Variants in ANKRD6 observed in about 807,000 individuals in gnomAD.
ANKRD6 encodes ankyrin repeat domain-containing protein 6.
In ANKRD6, 56 loss-of-function variants were observed where a neutral mutation model predicts 82.3. The ratio of observed to expected loss-of-function variants is 0.68; its 90% CI spans 0.55 to 0.85. ANKRD6 has a LOEUF of 0.85. ANKRD6 is among the 40% of genes least tolerant of loss of function. The pLI is 0.00. For missense variants in ANKRD6, 852 were observed against 907.6 expected (o/e 0.94, Z 0.79); for synonymous variants, 347 against 352.1 (o/e 0.99, Z 0.16).
intron 1 of ANKRD6, among the ~76,000 whole-genome samples, chr6:89,472,000 A>G (rs72912554): frequency 0.16 from 23,808 of 150,042 alleles, 2,166 homozygotes; most frequent in South Asian, 0.33. Flanking sequence ...GTGAAGTCAT[A>G]AGTGTAGACC....
intron 2 of ANKRD6, among the ~76,000 whole-genome samples, chr6:89,572,062 A>G (rs1028265862): frequency 6.6e-6 from 1 of 152,052 alleles, no homozygotes; most frequent in Non-Finnish European, 1.5e-5. Context: ...TCACTTAGTT[A>G]TATGCGTTTA....
At chr6:89,498,853 T>G (rs573850725) in intron 1 of ANKRD6, among the ~76,000 whole-genome samples, 2 of 152,202 alleles carry the variant, frequency 1.3e-5, no homozygotes, top group African/African-American at 4.8e-5. Context: ...TTATTGAGTA[T>G]GAGATATGTG....
At chr6:89,469,326 T>C (rs1405380462) in intron 1 of ANKRD6, among the ~76,000 whole-genome samples, 2 of 152,158 alleles carry the variant, frequency 1.3e-5, no homozygotes, top group Non-Finnish European at 2.9e-5. Context: ...CACATTAGCT[T>C]TTTCATTGGG....
chr6:89,526,613 A>G (rs1220385928), intron 1 of ANKRD6, among the ~76,000 whole-genome samples: 5 of 152,200 alleles, frequency 3.3e-5, no homozygotes, highest in Admixed American at 1.3e-4. Flanking sequence ...AAACTATGGT[A>G]TTAGTCAGGG....
At chr6:89,626,619 G>A (rs1007503681) in intron 13 of ANKRD6, among the ~76,000 whole-genome samples, 3 of 152,224 alleles carry the variant, frequency 2.0e-5, no homozygotes, top group Admixed American at 2.0e-4. Flanking sequence ...ATCTGGGTGT[G>A]GAATGCCACG....
intron 1 of ANKRD6, among the ~76,000 whole-genome samples, chr6:89,497,409 C>T (rs1778749067): frequency 6.6e-6 from 1 of 152,180 alleles, no homozygotes; most frequent in Non-Finnish European, 1.5e-5. Flanking sequence ...TAGGGGCTGA[C>T]TGCTTCAGCT....
At chr6:89,580,579 C>G (rs986430237) in intron 2 of ANKRD6, among the ~76,000 whole-genome samples, 3 of 152,046 alleles carry the variant, frequency 2.0e-5, no homozygotes, top group Non-Finnish European at 4.4e-5. Context: ...GGCTCTGCAC[C>G]GAGAGGCTCT....
intron 2 of ANKRD6, among the ~76,000 whole-genome samples, chr6:89,576,959 C>T (rs1791252785): frequency 6.6e-6 from 1 of 151,810 alleles, no homozygotes; most frequent in East Asian, 1.9e-4. Flanking sequence ...AGACAAGAGT[C>T]TCACTATATT....
At chr6:89,506,661 G>A (rs1201842785) in intron 1 of ANKRD6, among the ~76,000 whole-genome samples, 1 of 152,132 alleles carries the variant, frequency 6.6e-6, no homozygotes, top group Non-Finnish European at 1.5e-5. Context: ...AACGAAGCTG[G>A]ACAAAACAAA....
intron 1 of ANKRD6, among the ~76,000 whole-genome samples, chr6:89,559,473 C>T (rs1017226943): frequency 1.3e-5 from 2 of 152,162 alleles, no homozygotes; most frequent in African/African-American, 4.8e-5. Context: ...ATGCTTGGTA[C>T]TCCACAAAAT....
intron 1 of ANKRD6, among the ~76,000 whole-genome samples, chr6:89,538,305 G>C (rs1784090244): frequency 6.6e-6 from 1 of 152,168 alleles, no homozygotes; most frequent in Admixed American, 6.5e-5. Flanking sequence ...CTCAAAGTGT[G>C]ATCTAATGCT....
Position 89,567,093 on chromosome 6 carries a change from C to G in ANKRD6, c.117C>G (p.Thr39=), listed in dbSNP as rs1436955517. 22 of 1,589,832 alleles carry G rather than the reference C, an allele frequency of 1.4e-5. No individual in the cohort carries two copies. Among genetic ancestry groups the G allele is most frequent in the Non-Finnish European group, 1.7e-5 (20 of 1,167,476 alleles). The part of the protein sequence containing the change: ...LINKGARVAV[T]KHGRTPLHLA... ...ACAAGGGCGCCAGGGTAGCGGTTAC[C>G]AAGGTAACAAGAGAAAAATACGCTG... The change falls in exon 2 of 16, where the codon ACC becomes ACG. Residue 39 remains threonine (T), a synonymous_variant. Transcript: ENST00000339746.
chr6:89,511,282 G>A (rs1002805494), intron 1 of ANKRD6, among the ~76,000 whole-genome samples: 1 of 152,148 alleles, frequency 6.6e-6, no homozygotes, highest in African/African-American at 2.4e-5. Flanking sequence ...ATGGCTTGTA[G>A]CCATTTCTCA....
intron 1 of ANKRD6, among the ~76,000 whole-genome samples, chr6:89,446,597 C>G (rs1303860299): frequency 6.6e-6 from 1 of 151,848 alleles, no homozygotes; most frequent in Non-Finnish European, 1.5e-5. Context: ...AAGTGCTACT[C>G]TAGGGCTGGG....
At chr6:89,524,636 G>A (rs1346198642) in intron 1 of ANKRD6, among the ~76,000 whole-genome samples, 1 of 152,160 alleles carries the variant, frequency 6.6e-6, no homozygotes, top group Non-Finnish European at 1.5e-5. Context: ...TGATTGATGG[G>A]CATTTAGGCT....
chr6:89,501,409 T>C (rs1231623038), intron 1 of ANKRD6, among the ~76,000 whole-genome samples: 2 of 152,232 alleles, frequency 1.3e-5, no homozygotes, highest in Non-Finnish European at 2.9e-5. Flanking sequence ...TCTTGGCAAA[T>C]ACAGCATGCC....
At chr6:89,600,684 C>A (rs907963944) in intron 3 of ANKRD6, among the ~76,000 whole-genome samples, 1 of 152,044 alleles carries the variant, frequency 6.6e-6, no homozygotes, top group Non-Finnish European at 1.5e-5. Flanking sequence ...TGGGAAATTC[C>A]GTCACCATTC....
intron 2 of ANKRD6, among the ~76,000 whole-genome samples, chr6:89,573,639 AT>A (rs1203404342): frequency 6.6e-6 from 1 of 152,206 alleles, no homozygotes; most frequent in Non-Finnish European, 1.5e-5. Flanking sequence ...ATGTACATAA[AT>A]TTTTTGAGAG....
At chr6:89,436,202 A>G (rs775459042) in intron 1 of ANKRD6, among the ~76,000 whole-genome samples, 1 of 152,238 alleles carries the variant, frequency 6.6e-6, no homozygotes, top group Non-Finnish European at 1.5e-5. Flanking sequence ...TACTAACCGT[A>G]TGTGTGTGCC....
Sources: allele counts gnomAD v4.1 joint callset (sites outside exome capture counted in the v4.1 genomes callset), GRCh38; gene constraint gnomAD v4.1.1; transcripts MANE v1.5; gene names NCBI Gene and HGNC (gene_info 2026-07-23, HGNC 2026-07-21).